The following TMEM232 variants were observed in gnomAD, a reference collection of about 807,000 sequenced individuals.
TMEM232 encodes transmembrane protein 232.
A neutral mutation model predicts 78.8 loss-of-function variants in TMEM232; 80 were observed. The ratio of observed to expected loss-of-function variants is 1.01; its 90% confidence interval spans 0.85 to 1.22. The LOEUF is 1.22. Among genes scored for constraint, TMEM232 ranks in the 50% most tolerant of loss-of-function variants. The pLI is 0.00. For missense variants in TMEM232, 881 were observed against 742.2 expected (o/e 1.19, Z -2.17); for synonymous variants, 297 against 254.3 (o/e 1.17, Z -1.60).
intron 2 of TMEM232, among the ~76,000 whole-genome samples, chr5:110,653,807 A>G (rs1003766451): frequency 2.0e-5 from 3 of 152,174 alleles, no homozygotes; most frequent in Non-Finnish European, 4.4e-5. Flanking sequence ...TGATTTACCT[A>G]TGAGACATCC....
At position 110,667,327 on chromosome 5, in the gene TMEM232, G is replaced by C; in HGVS notation, c.26C>G (p.Pro9Arg). 6.5e-7 allele frequency: 1 copy of C among 1,530,456 alleles called. No individual in the cohort carries two copies. Among genetic ancestry groups the C allele is most frequent in the East Asian group, 2.5e-5 (1 of 40,404 alleles). 94.8% of individuals were successfully genotyped at this position (1,530,456 alleles called of 1,614,324 possible). ...TATGCCTCCACATGTATTAATCATA[G>C]GTGATTTGTTAACAGGCATATTCAT... MNMPVNKSPMINTCGGISS... is the reference protein window; with the variant it reads MNMPVNKSRMINTCGGISS... The change falls in exon 2 of 14, where the codon CCT (proline) becomes CGT (arginine). Residue 9 changes from proline (P) to arginine (R), a missense_variant. Pro to Arg is a moderately radical substitution (Grantham distance 103). Coordinates refer to ENST00000455884, the MANE Select transcript of TMEM232 (RefSeq NM_001039763.4).
At chr5:110,678,412 G>T (rs1386568057) in intron 1 of TMEM232, among the ~76,000 whole-genome samples, 1 of 152,018 alleles carries the variant, frequency 6.6e-6, no homozygotes, top group African/African-American at 2.4e-5. Flanking sequence ...GGAGAGGAAA[G>T]CACAGAAATT....
chr5:110,665,891 CAA>C (rs775392111), intron 2 of TMEM232, among the ~76,000 whole-genome samples: 27 of 63,806 alleles, frequency 4.2e-4, no homozygotes, highest in East Asian at 8.2e-4. Context: ...CCCATCTCCA[CAA>C]AAAAAAAAAA....
intron 12 of TMEM232, among the ~76,000 whole-genome samples, chr5:110,488,032 C>A (rs952296987): frequency 6.6e-6 from 1 of 152,124 alleles, no homozygotes; most frequent in Non-Finnish European, 1.5e-5. Flanking sequence ...AGTCTTGCTG[C>A]TTGTTATTGG....
intron 12 of TMEM232, among the ~76,000 whole-genome samples, chr5:110,460,786 T>A (rs1450095804): frequency 6.6e-6 from 1 of 152,104 alleles, no homozygotes; most frequent in Admixed American, 6.6e-5. Flanking sequence ...ATTTAGTAAT[T>A]CCCACAATAT....
intron 10 of TMEM232, among the ~76,000 whole-genome samples, chr5:110,587,927 C>G (rs140883006): frequency 2.3e-3 from 352 of 151,462 alleles, no homozygotes; most frequent in Non-Finnish European, 4.4e-3. Flanking sequence ...TTAAGATTGT[C>G]TCAATTCTAT....
At chr5:110,701,111 G>C (rs1486373638) in intron 1 of TMEM232, among the ~76,000 whole-genome samples, 1 of 151,686 alleles carries the variant, frequency 6.6e-6, no homozygotes. Context: ...TCAAAAAGAA[G>C]GAAAATGATT....
chr5:110,559,321 A>C (rs994224328), intron 11 of TMEM232, among the ~76,000 whole-genome samples: 1 of 152,146 alleles, frequency 6.6e-6, no homozygotes, highest in South Asian at 2.1e-4. Flanking sequence ...AACCCTAATA[A>C]TAAGGGATAA....
chr5:110,680,344 C>A, intron 1 of TMEM232, among the ~76,000 whole-genome samples: 1 of 147,446 alleles, frequency 6.8e-6, no homozygotes, highest in Admixed American at 6.9e-5. Flanking sequence ...CTGCGGTGAG[C>A]CAATGCTGTG....
chr5:110,660,682 T>C (rs1361474871), intron 2 of TMEM232, among the ~76,000 whole-genome samples: 1 of 152,168 alleles, frequency 6.6e-6, no homozygotes, highest in African/African-American at 2.4e-5. Flanking sequence ...TGCTTTATTA[T>C]TTTTTATTTT....
chr5:110,511,551 A>G (rs981062367), intron 12 of TMEM232, among the ~76,000 whole-genome samples: 1 of 152,096 alleles, frequency 6.6e-6, no homozygotes, highest in Non-Finnish European at 1.5e-5. Flanking sequence ...TACTATATTC[A>G]TTTATGTAAT....
intron 12 of TMEM232, among the ~76,000 whole-genome samples, chr5:110,524,345 GAGAAAGAAAGAAAGAAAAAAAGAAAGAA>G (rs1390269846): frequency 2.6e-4 from 28 of 107,034 alleles, no homozygotes; most frequent in Non-Finnish European, 4.3e-4. Context: ...GAAAAAGAAA[GAGAAAGAAAGAAAGAAAAAAAGAAAGAA>G]AGAAAGAAAG....
At chr5:110,548,411 T>A (rs1460568121) in intron 11 of TMEM232, among the ~76,000 whole-genome samples, 1 of 149,964 alleles carries the variant, frequency 6.7e-6, no homozygotes, top group East Asian at 1.9e-4. Flanking sequence ...TATAAGACAT[T>A]TTCATGGTCC....
intron 12 of TMEM232, among the ~76,000 whole-genome samples, chr5:110,466,377 A>G (rs1762077970): frequency 1.3e-5 from 2 of 152,156 alleles, no homozygotes; most frequent in Admixed American, 1.3e-4. Flanking sequence ...AAAAGTTTGC[A>G]TATTTGGCAA....
At position 110,489,885 on chromosome 5, in the gene TMEM232, G is replaced by C. The variant is rs141496557; in HGVS notation, c.1703+38703C>G. Among the ~76,000 whole-genome samples, 985 of 152,002 alleles carry C rather than the reference G, an allele frequency of 6.5e-3. 14 individuals carry two copies. The highest frequency in any genetic ancestry group is 0.023 in the African/African-American group (960 of 41,478). On this transcript the variant is annotated intron_variant, in intron 12 of 13. Transcript: ENST00000455884. ...TCATGCCTGTAATCCTAGCACTTTG[G>C]AAGGCCGAGGCGGGCGGATCACAAG...
chr5:110,705,735 C>CATAT (rs57147770), intron 1 of TMEM232, among the ~76,000 whole-genome samples: 2 of 143,062 alleles, frequency 1.4e-5, no homozygotes, highest in African/African-American at 5.3e-5. Flanking sequence ...CACACACACA[C>CATAT]ATATGTGTGT....
intron 1 of TMEM232, among the ~76,000 whole-genome samples, chr5:110,668,735 A>T (rs1215570733): frequency 6.6e-6 from 1 of 152,182 alleles, no homozygotes; most frequent in East Asian, 1.9e-4. Context: ...GAAGTAAAGC[A>T]CTTCTCAGCA....
At chr5:110,423,212 T>C (rs575461036) in intron 13 of TMEM232, among the ~76,000 whole-genome samples, 84 of 152,260 alleles carry the variant, frequency 5.5e-4, no homozygotes, top group Non-Finnish European at 6.3e-4. Context: ...TCAGCAGCTA[T>C]GAAAAAGTGG....
chr5:110,524,987 G>A (rs1479125442), intron 12 of TMEM232, among the ~76,000 whole-genome samples: 1 of 151,904 alleles, frequency 6.6e-6, no homozygotes, highest in South Asian at 2.1e-4. Flanking sequence ...GCATTTGCAA[G>A]AAATGTCATT....
Sources: allele counts gnomAD v4.1 joint callset (sites outside exome capture counted in the v4.1 genomes callset), GRCh38; gene constraint gnomAD v4.1.1; transcripts MANE v1.5; gene names NCBI Gene and HGNC (gene_info 2026-07-23, HGNC 2026-07-21).